GLIS3: variants seen among roughly 807,000 people sequenced by gnomAD.
GLIS3 encodes zinc finger protein GLIS3.
A neutral mutation model predicts 78.6 loss-of-function variants in GLIS3; 53 were observed. That is an observed-to-expected ratio of 0.67 (90% CI 0.54 to 0.85). GLIS3 has a LOEUF of 0.85. Ranked by LOEUF, GLIS3 falls within the 40% of genes least tolerant of loss-of-function variation. The pLI, the probability that GLIS3 is intolerant of heterozygous loss-of-function variation, is 0.00. For missense variants in GLIS3, 1,703 were observed against 1,231.1 expected (o/e 1.38, Z -5.74); for synonymous variants, 684 against 509.9 (o/e 1.34, Z -4.60).
the GLIS3 span, among the ~76,000 whole-genome samples, chr9:4,396,589 C>A: frequency 6.6e-6 from 1 of 152,166 alleles, no homozygotes; most frequent in African/African-American, 2.4e-5. Flanking sequence ...GAAAGATTAT[C>A]GAAGACAGAC....
the GLIS3 span, among the ~76,000 whole-genome samples, chr9:4,412,387 T>TAA: frequency 1.3e-5 from 2 of 152,216 alleles, no homozygotes; most frequent in African/African-American, 2.4e-5. Flanking sequence ...TTCTTGGGAC[T>TAA]AAAAGCATCC....
intron 4 of GLIS3, among the ~76,000 whole-genome samples, chr9:4,094,147 G>A (rs967597304): frequency 1.3e-5 from 2 of 152,178 alleles, no homozygotes; most frequent in East Asian, 3.8e-4. Flanking sequence ...GAAAGAGATG[G>A]GAGTGGAACA....
Position 4,125,799 on chromosome 9 carries a change from C to A in GLIS3, c.531G>T (p.Gln177His), listed in dbSNP as rs757956395. The A allele has an allele frequency of 2.0e-5, 32 of 1,614,020 alleles. 1 individual carries two copies. The South Asian group carries it at 3.5e-4, about 18-fold the overall frequency. Reference sequence around the variant, plus strand: ...TTGCCCTCTGTAAGCTAGGACTGATCTGGTTGCATGCTGTAGAGACCTGGC... The same window carrying A: ...TTGCCCTCTGTAAGCTAGGACTGATATGGTTGCATGCTGTAGAGACCTGGC... The part of the protein sequence containing the change: ...PASQVSTACN[Q>H]ISPSLQRAMN... Residue 177 changes from glutamine (Q) to histidine (H), a missense_variant, in exon 3 of 11, where the codon CAG becomes CAT. Transcript: ENST00000381971.
At chr9:4,160,506 T>A (rs1258737333) in intron 2 of GLIS3, among the ~76,000 whole-genome samples, 1 of 152,202 alleles carries the variant, frequency 6.6e-6, no homozygotes, top group African/African-American at 2.4e-5. Context: ...CAAAGCAAAG[T>A]GACATGCGAT....
At chr9:3,954,932 C>A (rs778749543) in intron 4 of GLIS3, among the ~76,000 whole-genome samples, 1 of 152,074 alleles carries the variant, frequency 6.6e-6, no homozygotes, top group Non-Finnish European at 1.5e-5. Context: ...ACAATTCAGA[C>A]AATGGTGCAC....
chr9:3,877,481 G>A (rs1201447221), intron 8 of GLIS3, among the ~76,000 whole-genome samples: 2 of 152,054 alleles, frequency 1.3e-5, no homozygotes, highest in African/African-American at 4.8e-5. Context: ...ATATCCACAT[G>A]GATCTTTTAT....
chr9:4,313,022 T>C (rs567533253), intron 2 of GLIS3, among the ~76,000 whole-genome samples: 1 of 152,358 alleles, frequency 6.6e-6, no homozygotes, highest in African/African-American at 2.4e-5. Flanking sequence ...TTTCCAGTCT[T>C]GTGGCTTCAG....
chr9:4,106,639 G>C lies in GLIS3; in HGVS notation c.1710+11129C>G, dbSNP rs184912346. 2.2e-3 allele frequency among the ~76,000 whole-genome samples: 341 copies of C among 152,266 alleles called. 1 individual carries two copies. The highest frequency in any genetic ancestry group is 3.6e-3 in the Non-Finnish European group (247 of 68,016). ...GTTCATGACCAAAAGCAAGCATTCAGAGAATAGAAGAGCATTTATGACCAC... is the reference window on the plus strand; with the variant it reads ...GTTCATGACCAAAAGCAAGCATTCACAGAATAGAAGAGCATTTATGACCAC... On this transcript the variant is annotated intron_variant, in intron 4 of 10. Transcript: ENST00000381971.
the GLIS3 span, among the ~76,000 whole-genome samples, chr9:4,396,195 C>G: frequency 6.6e-6 from 1 of 152,114 alleles, no homozygotes; most frequent in African/African-American, 2.4e-5. Flanking sequence ...TCACTGCAAA[C>G]TCTACCTCTG....
Position 4,286,148 on chromosome 9 carries a change from T to A in GLIS3, c.278A>T (p.Asn93Ile). Residue 93 changes from asparagine (N) to isoleucine (I), a missense_variant, in exon 2 of 11, where the codon AAT becomes ATT. Asn to Ile is a moderately radical substitution (Grantham distance 149). Coordinates refer to ENST00000381971, the MANE Select transcript of GLIS3 (RefSeq NM_001042413.2). ...ALSPRRQMLT[N>I]GKPRFQVTQA... ...GGTGACCTGGAATCGCGGCTTCCCATTGGTGAGCATTTGTCTCCTGGGGCT... is the reference window on the plus strand; with the variant it reads ...GGTGACCTGGAATCGCGGCTTCCCAATGGTGAGCATTTGTCTCCTGGGGCT... The A allele has an allele frequency of 1.8e-5, 29 of 1,614,118 alleles. No homozygotes were observed. Among genetic ancestry groups the A allele is most frequent in the Non-Finnish European group, 2.5e-5 (29 of 1,179,948 alleles).
intron 4 of GLIS3, among the ~76,000 whole-genome samples, chr9:4,115,135 T>A (rs1239017666): frequency 6.6e-6 from 1 of 152,226 alleles, no homozygotes; most frequent in Non-Finnish European, 1.5e-5. Flanking sequence ...TTTGTGTTGC[T>A]TGTAGTCATG....
intron 2 of GLIS3, among the ~76,000 whole-genome samples, chr9:4,180,420 C>T (rs920684367): frequency 6.6e-6 from 1 of 152,196 alleles, no homozygotes; most frequent in Non-Finnish European, 1.5e-5. Context: ...TGTTTAGCTG[C>T]TCTGAGCCTC....
chr9:4,339,088 C>T (rs1248587587), intron 2 of GLIS3, among the ~76,000 whole-genome samples: 1 of 152,184 alleles, frequency 6.6e-6, no homozygotes, highest in African/African-American at 2.4e-5. Flanking sequence ...ACTGTCCATA[C>T]AACACTACCT....
At chr9:4,296,647 G>C (rs1420366966) in intron 1 of GLIS3, among the ~76,000 whole-genome samples, 5 of 152,084 alleles carry the variant, frequency 3.3e-5, no homozygotes, top group African/African-American at 1.2e-4. Flanking sequence ...GTGAACCAAG[G>C]GGAGAAGTTA....
rs183009369 is a variant in GLIS3, at chr9:3,825,213, C to T, written c.*3059G>A. ...GCCAACACTCTTATCAGTGGTAACT[C>T]TGCTGTGATCTACTAAAGACCTTTT... On this transcript the variant is annotated 3_prime_UTR_variant, in exon 11 of 11. Transcript: ENST00000381971. 1.7e-4 allele frequency: 26 copies of T among 152,240 alleles called. No individual in the cohort carries two copies. Among genetic ancestry groups the T allele is most frequent in the African/African-American group, 5.8e-4 (24 of 41,538 alleles). The allele number at this position is 152,240 out of a possible 1,614,324, so 9.4% of individuals were successfully genotyped here. A position where few individuals can be genotyped will look rare whatever the true frequency, so the allele number is the denominator to read the frequency against.
At chr9:4,303,768 T>A (rs527252472), upstream of GLIS3, among the ~76,000 whole-genome samples, 24 of 152,332 alleles carry the variant, frequency 1.6e-4, no homozygotes, top group African/African-American at 5.5e-4. Context: ...GTATCTAAAA[T>A]TCAGAGAAAG....
At chr9:4,398,988 G>C in the GLIS3 span, among the ~76,000 whole-genome samples, 2 of 152,132 alleles carry the variant, frequency 1.3e-5, no homozygotes, top group African/African-American at 4.8e-5. Flanking sequence ...TACCCAGCCT[G>C]CTCAAGTTCT....
In GLIS3 at chr9:4,142,928, G is replaced by C. The variant is rs147823061; in HGVS notation, c.389-16987C>G. 5.7e-4 allele frequency among the ~76,000 whole-genome samples: 87 copies of C among 152,218 alleles called. 1 individual carries two copies. Among genetic ancestry groups the C allele is most frequent in the African/African-American group, 2.0e-3 (81 of 41,538 alleles). Reference sequence around the variant, plus strand: ...TGTTTTAAGGCTGAAAGATCAGTGAGGAAATAAATCACTTTGGCCAAATTT... The same window carrying C: ...TGTTTTAAGGCTGAAAGATCAGTGACGAAATAAATCACTTTGGCCAAATTT... On this transcript the variant is annotated intron_variant, in intron 2 of 10. Transcript: ENST00000381971.
intron 2 of GLIS3, among the ~76,000 whole-genome samples, chr9:4,137,919 G>A (rs1332048380): frequency 6.6e-6 from 1 of 152,150 alleles, no homozygotes; most frequent in East Asian, 1.9e-4. Context: ...CAATCCCAGG[G>A]GAAGTAAGCA....
Sources: allele counts gnomAD v4.1 joint callset (sites outside exome capture counted in the v4.1 genomes callset), GRCh38; gene constraint gnomAD v4.1.1; transcripts MANE v1.5; gene names NCBI Gene and HGNC (gene_info 2026-07-23, HGNC 2026-07-21).